ZBTB21: variants seen among roughly 807,000 people sequenced by gnomAD.
ZBTB21 encodes the protein zinc finger and BTB domain-containing protein 21.
Under a neutral mutation model 39.8 loss-of-function variants are expected in ZBTB21, and 10 were observed. That is an observed-to-expected ratio of 0.25 (90% CI 0.16 to 0.43). The LOEUF is 0.43. ZBTB21 is among the 20% of genes least tolerant of loss of function. The probability of loss-of-function intolerance (pLI) is 1.00; values close to 1 mark genes in which losing one functional copy is unlikely to be tolerated. For synonymous variants in ZBTB21, 551 were observed against 498.8 expected (o/e 1.10, Z -1.40); for missense variants, 1,221 against 1,296.3 (o/e 0.94, Z 0.89).
chr21:42,010,326 G>A lies in ZBTB21; in HGVS notation c.-153C>T, dbSNP rs2065947140. ...GCTCGCGCGCGCCGCAGCCGCCGCT[G>A]CCGCTGTGATTCCATCCATCTTGAA... On this transcript the variant is annotated 5_prime_UTR_variant, in exon 1 of 3. The change creates a premature stop within an existing upstream ORF in the 5' untranslated region. Transcript: ENST00000310826. The A allele has an allele frequency of 5.0e-6, 2 of 398,026 alleles. No individual in the cohort carries two copies. Among genetic ancestry groups the A allele is most frequent in the South Asian group, 1.3e-4 (1 of 7,868 alleles). 24.7% of individuals were successfully genotyped at this position (398,026 alleles called of 1,614,324 possible).
rs2065612809 is a variant in ZBTB21 at position 41,988,826 on chromosome 21, T to C, written c.*2069A>G. ...TCTTCGAAAATGTAGCATAAAGGTT[T>C]AGGTCCTGGGATACTGAATTTATAA... On this transcript the variant is annotated 3_prime_UTR_variant, in exon 3 of 3. Transcript: ENST00000310826. 1 of 152,072 alleles carries C rather than the reference T, an allele frequency of 6.6e-6. No individual in the cohort carries two copies. Among genetic ancestry groups the C allele is most frequent in the Non-Finnish European group, 1.5e-5 (1 of 67,978 alleles). 9.4% of individuals were successfully genotyped at this position (152,072 alleles called of 1,614,324 possible).
intron 2 of ZBTB21, among the ~76,000 whole-genome samples, chr21:42,001,227 T>C (rs1450221567): frequency 6.6e-6 from 1 of 152,168 alleles, no homozygotes; most frequent in African/African-American, 2.4e-5. Context: ...TGCCTCTAGT[T>C]TCCTCTTCCA....
chr21:42,006,526 C>G (rs1188883964), intron 1 of ZBTB21, among the ~76,000 whole-genome samples: 1 of 152,024 alleles, frequency 6.6e-6, no homozygotes, highest in Non-Finnish European at 1.5e-5. Context: ...ACCTGCACAT[C>G]TGACTTCTCC....
At position 41,993,256 on chromosome 21, in the gene ZBTB21, C is replaced by T. The variant is rs1247454035; in HGVS notation, c.840G>A (p.Leu280=). 4 of 1,611,888 alleles carry T rather than the reference C, an allele frequency of 2.5e-6. No homozygotes were observed. The Admixed American group carries it at 5.0e-5, about 20-fold the overall frequency. ...GAGTCTCTGATGAGCTACAAACAGA[C>T]AAAACAGGTGGCCGTGGTCTCTTCA... ...LALKRPRPPV[L]SVCSSSETPY... is the part of the protein sequence containing the mutation. The change falls in exon 3 of 3, where the codon TTG becomes TTA. Residue 280 remains leucine (L), a synonymous_variant. Transcript: ENST00000310826.
chr21:41,991,152 G>C lies in ZBTB21; in HGVS notation c.2944C>G (p.Pro982Ala). 1 of 1,614,150 alleles carries C rather than the reference G, an allele frequency of 6.2e-7. No homozygotes were observed. The highest frequency in any genetic ancestry group is 8.5e-7 in the Non-Finnish European group (1 of 1,180,014). The change falls in exon 3 of 3, where the codon CCC (proline) becomes GCC (alanine). Residue 982 changes from proline (P) to alanine (A), a missense_variant. Pro to Ala is a conservative substitution (Grantham distance 27). Around this residue, in one of 4 missense-constraint regions of ZBTB21, gnomAD observed 523 missense variants for 542.5 expected, o/e 0.96. Coordinates refer to ENST00000310826, the MANE Select transcript of ZBTB21 (RefSeq NM_001098402.2). The surrounding 1 kb of genome is among the most constrained non-coding windows in gnomAD (Gnocchi z 4.9). ...SEVCPVPTNSPSPPPLPPPPP... is the reference protein window; with the variant it reads ...SEVCPVPTNSASPPPLPPPPP... ...GGCGGTGGCAGAGGTGGTGGAGAGG[G>C]AGAGTTTGTGGGAACAGGGCACACC...
At chr21:42,008,378 C>T (rs1003587644) in intron 1 of ZBTB21, among the ~76,000 whole-genome samples, 1 of 134,954 alleles carries the variant, frequency 7.4e-6, no homozygotes, top group Non-Finnish European at 1.6e-5. Context: ...ATTAGCTGGG[C>T]GATGTGGCGG....
At position 42,002,881 on chromosome 21, in the gene ZBTB21, G is replaced by GGGCC. The variant is rs577757016; in HGVS notation, c.-14+12_-14+15dup. 4.9e-3 allele frequency: 741 copies of GGGCC among 152,330 alleles called. 3 individuals carry two copies. The highest frequency in any genetic ancestry group is 7.1e-3 in the Non-Finnish European group (486 of 68,038). The allele number at this position is 152,330 out of a possible 1,614,324, so 9.4% of individuals were successfully genotyped here. Reference sequence around the variant, plus strand: ...CCCAGGAAAACCAGTTTCTAAAATAGGGCCGGCTTGCTTACCACTTTGATC... The same window carrying GGGCC: ...CCCAGGAAAACCAGTTTCTAAAATAGGGCCGGCCGGCTTGCTTACCACTTTGATC... On this transcript the variant is annotated intron_variant, in intron 2 of 2. Transcript: ENST00000310826.
intron 2 of ZBTB21, among the ~76,000 whole-genome samples, chr21:42,000,216 GGAGTTCA>G (rs2065801274): frequency 6.6e-6 from 1 of 152,200 alleles, no homozygotes; most frequent in Non-Finnish European, 1.5e-5. Flanking sequence ...AGAAAAACCA[GGAGTTCA>G]GATTTTTTAA....
rs978170108 is a variant in ZBTB21, at chr21:41,987,918, C to T, written c.*2977G>A. On this transcript the variant is annotated 3_prime_UTR_variant, in exon 3 of 3. Coordinates refer to ENST00000310826, the MANE Select transcript of ZBTB21 (RefSeq NM_001098402.2). ...CAATGGGACTACATATGGATTCAAA[C>T]GGTCACTCATTAAGTGCTGGGGCAC... 1 of 152,154 alleles carries T rather than the reference C, an allele frequency of 6.6e-6. No homozygotes were observed. Among genetic ancestry groups the T allele is most frequent in the Non-Finnish European group, 1.5e-5 (1 of 68,024 alleles). The allele number at this position is 152,154 out of a possible 1,614,324, so 9.4% of individuals were successfully genotyped here.
At chr21:41,998,726 C>T (rs527557792) in intron 2 of ZBTB21, among the ~76,000 whole-genome samples, 2 of 152,224 alleles carry the variant, frequency 1.3e-5, no homozygotes, top group South Asian at 4.2e-4. Context: ...GGCTGTCAAC[C>T]TGGGAGTGGC....
At chr21:42,008,231 C>T (rs548696445) in intron 1 of ZBTB21, among the ~76,000 whole-genome samples, 1 of 151,280 alleles carries the variant, frequency 6.6e-6, no homozygotes, top group South Asian at 2.1e-4. Flanking sequence ...TTCGGCTGGG[C>T]GCAGTGGCTC....
At chr21:41,998,214 C>G (rs2065774946) in intron 2 of ZBTB21, among the ~76,000 whole-genome samples, 1 of 146,886 alleles carries the variant, frequency 6.8e-6, no homozygotes, top group Admixed American at 6.8e-5. Context: ...TTTTTCTAGA[C>G]AGGGTCTCGC....
Position 42,007,066 on chromosome 21 carries a change from G to A in ZBTB21, c.-79+3186C>T, listed in dbSNP as rs570262502. ...TTCCTTGACTACTTCATCTTATAAC[G>A]TGCAAATACCTCAACTTCAGCACCA... On this transcript the variant is annotated intron_variant, in intron 1 of 2. Transcript: ENST00000310826. 4.6e-5 allele frequency among the ~76,000 whole-genome samples: 7 copies of A among 152,304 alleles called. No homozygotes were observed. In the South Asian group the frequency reaches 6.2e-4, roughly 14 times the overall value.
Position 41,988,103 on chromosome 21 carries a change from T to C in ZBTB21, c.*2792A>G, listed in dbSNP as rs889429182. ...TAACTAGTTTTAAAGGTGAATATTC[T>C]ACAAATCTTCAAATATTACTGTTAA... On this transcript the variant is annotated 3_prime_UTR_variant, in exon 3 of 3. Coordinates refer to ENST00000310826, the MANE Select transcript of ZBTB21 (RefSeq NM_001098402.2). 6 of 152,230 alleles carry C rather than the reference T, an allele frequency of 3.9e-5. No individual in the cohort carries two copies. The highest frequency in any genetic ancestry group is 1.2e-4 in the African/African-American group (5 of 41,460). 9.4% of individuals were successfully genotyped at this position (152,230 alleles called of 1,614,324 possible).
At chr21:42,005,252 C>T (rs2065865537) in intron 1 of ZBTB21, among the ~76,000 whole-genome samples, 3 of 152,012 alleles carry the variant, frequency 2.0e-5, no homozygotes, top group African/African-American at 7.3e-5. Flanking sequence ...AGAAGAACTG[C>T]TCTTGTCCCA....
chr21:41,991,564 G>A lies in ZBTB21; in HGVS notation c.2532C>T (p.Asp844=), dbSNP rs1414639886. 3 of 1,614,224 alleles carry A rather than the reference G, an allele frequency of 1.9e-6. No individual in the cohort carries two copies. The Admixed American group carries it at 5.0e-5, about 27-fold the overall frequency. ...KVNHIVTTKD[D]NVFSDSSEQV... is the part of the protein sequence containing the mutation. ...GTTCTGAAGAATCACTGAACACGTTGTCGTCTTTTGTGGTGACGATGTGGT... is the reference window on the plus strand; with the variant it reads ...GTTCTGAAGAATCACTGAACACGTTATCGTCTTTTGTGGTGACGATGTGGT... The change falls in exon 3 of 3, where the codon GAC becomes GAT. Residue 844 remains aspartate (D), a synonymous_variant. Transcript: ENST00000310826. This position sits in a 1 kb window ranked among gnomAD's most constrained non-coding sequence, Gnocchi z 4.9.
chr21:41,998,184 T>C (rs1478059684), intron 2 of ZBTB21, among the ~76,000 whole-genome samples: 1 of 150,674 alleles, frequency 6.6e-6, no homozygotes, highest in African/African-American at 2.4e-5. Flanking sequence ...TAACACCTCA[T>C]CCTTTTCATT....
chr21:42,008,342 C>CAAAAAAAAAA lies in ZBTB21; in HGVS notation c.-79+1900_-79+1909dup, dbSNP rs767411984. Among the ~76,000 whole-genome samples the CAAAAAAAAAA allele has an allele frequency of 8.8e-4, 48 of 54,294 alleles. 4 individuals are homozygous for CAAAAAAAAAA. The highest frequency in any genetic ancestry group is 1.4e-3 in the Non-Finnish European group (42 of 30,616). 35.6% of individuals were successfully genotyped at this position (54,294 alleles called of 152,430 possible). A position where few individuals can be genotyped will look rare whatever the true frequency, so the allele number is the denominator to read the frequency against. ...TCAACAGGATGAAACCCCGTCTCTA[C>CAAAAAAAAAA]AAAAAAAAAAAAAAAAAAAAAAAAA... On this transcript the variant is annotated intron_variant, in intron 1 of 2. Coordinates refer to ENST00000310826, the MANE Select transcript of ZBTB21 (RefSeq NM_001098402.2).
At position 42,003,439 on chromosome 21, in the gene ZBTB21, A is replaced by G. The variant is rs549295281; in HGVS notation, c.-78-478T>C. Among the ~76,000 whole-genome samples the G allele has an allele frequency of 2.0e-5, 3 of 152,326 alleles. No individual in the cohort carries two copies. The South Asian group carries it at 6.2e-4, about 32-fold the overall frequency. On this transcript the variant is annotated intron_variant, in intron 1 of 2. Coordinates refer to ENST00000310826, the MANE Select transcript of ZBTB21 (RefSeq NM_001098402.2). ...TGCTACGGGAATACTGATTCCAGGAAGCAATTAATTTGGCCAGGGTGTAGG... is the reference window on the plus strand; with the variant it reads ...TGCTACGGGAATACTGATTCCAGGAGGCAATTAATTTGGCCAGGGTGTAGG...
Sources: allele counts gnomAD v4.1 joint callset (sites outside exome capture counted in the v4.1 genomes callset), GRCh38; gene constraint gnomAD v4.1.1; regional missense constraint gnomAD v4.1.1; non-coding constraint Gnocchi (gnomAD v3.1); transcripts MANE v1.5; gene names NCBI Gene and HGNC (gene_info 2026-07-23, HGNC 2026-07-21).